Variants in DKK2 observed in about 807,000 individuals in gnomAD.
DKK2 encodes the protein dickkopf Wnt signaling pathway inhibitor 2, also known as dickkopf-related protein 2.
DKK2 carries 11 observed loss-of-function variants against 28.1 expected under a neutral mutation model. That is an observed-to-expected ratio of 0.39 (90% CI 0.25 to 0.65). DKK2 has a LOEUF of 0.65. Ranked by LOEUF, DKK2 falls within the 30% of genes least tolerant of loss-of-function variation. The pLI, the probability that DKK2 is intolerant of heterozygous loss-of-function variation, is 0.47. For missense variants in DKK2, 326 were observed against 335.5 expected, an observed-to-expected ratio of 0.97 and a Z score of 0.22; for synonymous variants, 135 against 126.5, an observed-to-expected ratio of 1.07 and a Z score of -0.45.
chr4:107,019,968 A>C (rs908134378), intron 1 of DKK2, among the ~76,000 whole-genome samples: 1 of 152,022 alleles, frequency 6.6e-6, no homozygotes, highest in Non-Finnish European at 1.5e-5. Context: ...ATTAGAGCAT[A>C]TTCTTTGTTA....
In DKK2 at chr4:106,925,884, T is replaced by G; in HGVS notation, c.288A>C (p.Gly96=). 6.2e-7 allele frequency: 1 copy of G among 1,613,770 alleles called. No individual in the cohort carries two copies. The highest frequency in any genetic ancestry group is 1.7e-5 in the Admixed American group (1 of 59,962). ...VGRYCHSPHQ[G]SSACMVCRRK... ...TCCGACACACCATGCAGGCCGATGA[T>G]CCTTGGTGGGGACTGTGGCAATACC... The change falls in exon 2 of 4, where the codon GGA becomes GGC. Residue 96 remains glycine, a synonymous_variant. Transcript: ENST00000285311.
At chr4:106,931,077 A>G (rs1724495985) in intron 1 of DKK2, among the ~76,000 whole-genome samples, 1 of 152,190 alleles carries the variant, frequency 6.6e-6, no homozygotes, top group Non-Finnish European at 1.5e-5. Flanking sequence ...TTATATGTCA[A>G]TCTGCCTGTG....
At chr4:106,937,578 G>C (rs1469525475) in intron 1 of DKK2, among the ~76,000 whole-genome samples, 1 of 151,668 alleles carries the variant, frequency 6.6e-6, no homozygotes, top group Non-Finnish European at 1.5e-5. Flanking sequence ...AGTCAACAAG[G>C]ATACCCAAGA....
chr4:106,991,330 C>T (rs1723200629), intron 1 of DKK2, among the ~76,000 whole-genome samples: 1 of 152,060 alleles, frequency 6.6e-6, no homozygotes, highest in Non-Finnish European at 1.5e-5. Context: ...AGTTCCATCC[C>T]ACTGCAGTAG....
chr4:107,032,741 CTT>C (rs1409916463), intron 1 of DKK2, among the ~76,000 whole-genome samples: 1 of 152,098 alleles, frequency 6.6e-6, no homozygotes, highest in Non-Finnish European at 1.5e-5. Context: ...GGAAATAAAA[CTT>C]ATTAGGTCTT....
At chr4:107,033,050 A>C (rs534575029) in intron 1 of DKK2, among the ~76,000 whole-genome samples, 1 of 152,332 alleles carries the variant, frequency 6.6e-6, no homozygotes, top group African/African-American at 2.4e-5. Flanking sequence ...AAAATATTTT[A>C]CTATTTGTTT....
chr4:106,930,849 A>G (rs1459550740), intron 1 of DKK2, among the ~76,000 whole-genome samples: 1 of 152,140 alleles, frequency 6.6e-6, no homozygotes. Flanking sequence ...ATGAGAATAT[A>G]TCTGGGGTCT....
chr4:107,015,397 G>T (rs1482722474), intron 1 of DKK2, among the ~76,000 whole-genome samples: 1 of 151,450 alleles, frequency 6.6e-6, no homozygotes, highest in African/African-American at 2.4e-5. Context: ...TTACTGGATT[G>T]TTTATCTCTC....
chr4:107,026,432 A>G (rs1723780056), intron 1 of DKK2, among the ~76,000 whole-genome samples: 1 of 152,208 alleles, frequency 6.6e-6, no homozygotes, highest in South Asian at 2.1e-4. Context: ...TGTGCATATT[A>G]TATTAACATT....
chr4:107,029,039 G>T (rs147420525), intron 1 of DKK2, among the ~76,000 whole-genome samples: 2 of 152,108 alleles, frequency 1.3e-5, no homozygotes, highest in Non-Finnish European at 2.9e-5. Context: ...GCAAGTAGAG[G>T]CAGGGATGAA....
At chr4:106,983,850 T>C (rs1168726572) in intron 1 of DKK2, among the ~76,000 whole-genome samples, 1 of 152,198 alleles carries the variant, frequency 6.6e-6, no homozygotes, top group Non-Finnish European at 1.5e-5. Flanking sequence ...AAAATGCACC[T>C]GAAAAGATGA....
At chr4:107,015,940 A>G (rs1357717218) in intron 1 of DKK2, among the ~76,000 whole-genome samples, 1 of 151,858 alleles carries the variant, frequency 6.6e-6, no homozygotes, top group African/African-American at 2.4e-5. Flanking sequence ...AATATTGGTA[A>G]TAGGAGTGAA....
intron 1 of DKK2, among the ~76,000 whole-genome samples, chr4:106,956,537 T>C (rs1434637355): frequency 5.9e-5 from 9 of 152,114 alleles, no homozygotes; most frequent in Admixed American, 2.6e-4. Flanking sequence ...CAGCATGGTA[T>C]TGTTACCAAA....
chr4:106,946,450 A>G (rs1724777057), intron 1 of DKK2, among the ~76,000 whole-genome samples: 1 of 152,040 alleles, frequency 6.6e-6, no homozygotes, highest in African/African-American at 2.4e-5. Context: ...AAGTTATAGA[A>G]CTGGCACATA....
chr4:107,006,446 G>T (rs1723439339), intron 1 of DKK2, among the ~76,000 whole-genome samples: 1 of 152,014 alleles, frequency 6.6e-6, no homozygotes, highest in Non-Finnish European at 1.5e-5. Flanking sequence ...GCAGCACCTG[G>T]TTGTGGGAAA....
At chr4:107,026,425 G>T (rs1430493524) in intron 1 of DKK2, among the ~76,000 whole-genome samples, 1 of 152,004 alleles carries the variant, frequency 6.6e-6, no homozygotes, top group African/African-American at 2.4e-5. Context: ...AAATATTTGT[G>T]CATATTATAT....
At chr4:106,975,977 C>T (rs1722938851) in intron 1 of DKK2, among the ~76,000 whole-genome samples, 1 of 152,094 alleles carries the variant, frequency 6.6e-6, no homozygotes, top group Non-Finnish European at 1.5e-5. Context: ...TTATTTATTT[C>T]TGCCTTAATT....
intron 1 of DKK2, among the ~76,000 whole-genome samples, chr4:106,998,933 A>AGG (rs375783368): frequency 4.1e-4 from 63 of 152,230 alleles, no homozygotes; most frequent in African/African-American, 1.4e-3. Context: ...AATTTGTCAG[A>AGG]GGAACAACAG....
chr4:106,963,109 C>T (rs1198131950), intron 1 of DKK2, among the ~76,000 whole-genome samples: 1 of 151,656 alleles, frequency 6.6e-6, no homozygotes, highest in Non-Finnish European at 1.5e-5. Flanking sequence ...AATCCCAGCA[C>T]TTTGGGAGGC....
Sources: allele counts gnomAD v4.1 joint callset (sites outside exome capture counted in the v4.1 genomes callset), GRCh38; gene constraint gnomAD v4.1.1; transcripts MANE v1.5; gene names NCBI Gene and HGNC (gene_info 2026-07-23, HGNC 2026-07-21).